The following CCDC33 variants were observed in gnomAD, a reference collection of about 807,000 sequenced individuals.
CCDC33 encodes the protein coiled-coil domain-containing protein 33.
In CCDC33, 94 loss-of-function variants were observed where a neutral mutation model predicts 91.9. The observed-to-expected ratio is 1.02, with a 90% CI of 0.87 to 1.21. The LOEUF (loss-of-function observed/expected upper bound fraction) is 1.21, where lower values mean the gene tolerates loss of function less well. Among genes scored for constraint, CCDC33 ranks in the 50% most tolerant of loss-of-function variants. The pLI is 0.00. For missense variants in CCDC33, 940 were observed against 935.5 expected, an observed-to-expected ratio of 1.00 and a Z score of -0.06; for synonymous variants, 396 against 374.5, an observed-to-expected ratio of 1.06 and a Z score of -0.66.
intron 11 of CCDC33, among the ~76,000 whole-genome samples, chr15:74,313,666 C>T (rs2060036376): frequency 6.6e-6 from 1 of 152,110 alleles, no homozygotes. Flanking sequence ...GTGATTAGCC[C>T]AGCACAGATT....
chr15:74,336,409 G>A (rs201471817), downstream of CCDC33: 5,312 of 1,311,602 alleles, frequency 4.1e-3, 13 homozygotes, highest in Non-Finnish European at 4.9e-3. Flanking sequence ...TGGGAAATAC[G>A]AGGGAGGCTT....
chr15:74,258,713 A>T (rs2075943027), intron 2 of CCDC33, among the ~76,000 whole-genome samples: 1 of 152,072 alleles, frequency 6.6e-6, no homozygotes, highest in African/African-American at 2.4e-5. Context: ...TGAGGGGGAA[A>T]GCGGCTCATG....
chr15:74,255,341 G>A (rs2075829238), intron 2 of CCDC33, among the ~76,000 whole-genome samples: 1 of 152,218 alleles, frequency 6.6e-6, no homozygotes, highest in Non-Finnish European at 1.5e-5. Flanking sequence ...TCAAGCCCAC[G>A]ACTGGTGAGC....
chr15:74,304,008 A>G (rs2059844372), intron 11 of CCDC33: 1 of 152,290 alleles, frequency 6.6e-6, no homozygotes, highest in African/African-American at 2.4e-5. Context: ...GAAAGGAAGA[A>G]ATAAGGATCA....
At chr15:74,210,940 T>C (rs926441965) in intron 2 of CCDC33, among the ~76,000 whole-genome samples, 2 of 152,150 alleles carry the variant, frequency 1.3e-5, no homozygotes, top group African/African-American at 4.8e-5. Context: ...ATAGAAGTCA[T>C]GAGTTAAGTA....
chr15:74,236,110 G>A (rs2075146216), upstream of CCDC33, among the ~76,000 whole-genome samples: 1 of 152,212 alleles, frequency 6.6e-6, no homozygotes, highest in African/African-American at 2.4e-5. Flanking sequence ...GCATGGGGCT[G>A]GCCACACCAC....
intron 16 of CCDC33, 97 bp from the exon 17 acceptor site, chr15:74,333,784 C>A: frequency 2.1e-6 from 2 of 954,896 alleles, no homozygotes; most frequent in Non-Finnish European, 3.2e-6. Flanking sequence ...TGAACTCAGG[C>A]CTGACTGGTT....
chr15:74,209,340 T>A, intron 1 of CCDC33: 1 of 1,525,768 alleles, frequency 6.6e-7, no homozygotes, highest in Non-Finnish European at 8.8e-7. Context: ...TTAGAGAAGC[T>A]GAGGAACCCC....
intron 11 of CCDC33, among the ~76,000 whole-genome samples, chr15:74,328,867 C>T (rs1007865338): frequency 6.6e-6 from 1 of 152,154 alleles, no homozygotes; most frequent in Non-Finnish European, 1.5e-5. Context: ...CGTATGTACA[C>T]AGCCTCCCAC....
At chr15:74,215,635 T>G (rs141405312), upstream of CCDC33, among the ~76,000 whole-genome samples, 1 of 152,054 alleles carries the variant, frequency 6.6e-6, no homozygotes, top group Non-Finnish European at 1.5e-5. Context: ...TAGGAGTGGG[T>G]GTGGACATTA....
At chr15:74,330,524 T>C (rs1596138304) in intron 12 of CCDC33, 139 bp from the exon 13 acceptor site, 1 of 1,069,952 alleles carries the variant, frequency 9.3e-7, no homozygotes, top group East Asian at 2.5e-5. Flanking sequence ...AGCTGGGTCC[T>C]CTCAGGGATG....
At chr15:74,252,853 G>T (rs1258396552) in intron 2 of CCDC33, among the ~76,000 whole-genome samples, 1 of 152,200 alleles carries the variant, frequency 6.6e-6, no homozygotes, top group African/African-American at 2.4e-5. Flanking sequence ...AGTTCCTGGA[G>T]ACTCAGAACC....
upstream of CCDC33, among the ~76,000 whole-genome samples, chr15:74,216,750 A>G (rs2142134099): frequency 6.7e-6 from 1 of 149,914 alleles, no homozygotes; most frequent in Non-Finnish European, 1.5e-5. Flanking sequence ...ACTCTTGAGA[A>G]AGAATAGGCA....
intron 7 of CCDC33, 100 bp from the exon 8 acceptor site, chr15:74,279,863 A>G: frequency 6.7e-7 from 1 of 1,485,274 alleles, no homozygotes; most frequent in African/African-American, 1.4e-5. Flanking sequence ...TGGGAGAAAC[A>G]TTTGTGACAA....
chr15:74,281,712 G>C, intron 9 of CCDC33, 66 bp from the exon 10 acceptor site: 2 of 1,380,004 alleles, frequency 1.4e-6, no homozygotes, highest in Non-Finnish European at 2.1e-6. Context: ...ATCTAGAACA[G>C]TAGGTGGGGC....
intron 1 of CCDC33, among the ~76,000 whole-genome samples, chr15:74,217,828 C>T (rs2074487205): frequency 6.6e-6 from 1 of 152,044 alleles, no homozygotes; most frequent in Non-Finnish European, 1.5e-5. Context: ...AATAGAAGGG[C>T]AGATGAGAGA....
At position 74,333,161 on chromosome 15, in the gene CCDC33, C is replaced by T. The variant is rs577491422; in HGVS notation, c.1938+316C>T. 1.3e-4 allele frequency: 188 copies of T among 1,395,360 alleles called. 2 individuals carry two copies. In the South Asian group the frequency reaches 2.1e-3, roughly 16 times the overall value. The allele number at this position is 1,395,360 out of a possible 1,614,324, so 86.4% of individuals were successfully genotyped here. On this transcript the variant is annotated intron_variant, in intron 16 of 18. Coordinates refer to ENST00000398814, the MANE Select transcript of CCDC33 (RefSeq NM_025055.5). ...TGGACCCTACACAGGCCTCTCAAAACTCCCTTCTGGAGCATTCCCTGGTCT... is the reference window on the plus strand; with the variant it reads ...TGGACCCTACACAGGCCTCTCAAAATTCCCTTCTGGAGCATTCCCTGGTCT...
Position 74,268,489 on chromosome 15 carries a change from G to GA in CCDC33, c.546+31_546+32insA, listed in dbSNP as rs747811656. The GA allele has an allele frequency of 1.5e-5, 22 of 1,456,618 alleles. 1 individual carries two copies. The highest frequency in any genetic ancestry group is 5.9e-5 in the South Asian group (5 of 84,880). 90.2% of individuals were successfully genotyped at this position (1,456,618 alleles called of 1,614,324 possible). On this transcript the variant is annotated intron_variant, in intron 5 of 18. Coordinates refer to ENST00000398814, the MANE Select transcript of CCDC33 (RefSeq NM_025055.5). The stretch of plus-strand genomic sequence containing the variant: ...AGGGCTGGGGCCCTCTGGGGTGGTG[G>GA]TGGGGGTGGGAAAGGGCCAAGCTTT...
Position 74,335,022 on chromosome 15 carries a change from C to T in CCDC33, c.2073C>T (p.Ala691=), listed in dbSNP as rs771391497. 7 of 1,614,104 alleles carry T rather than the reference C, an allele frequency of 4.3e-6. No individual in the cohort carries two copies. In the South Asian group the frequency reaches 7.7e-5, roughly 18 times the overall value. ...GGGGACGAGAGAAGCAGGATCTGGC[C>T]ACACGGCTGCAGGAGCAAGAAAAAG... is the stretch of plus-strand genomic sequence containing the variant. ...RRWGREKQDL[A]TRLQEQEKGF... The change falls in exon 18 of 19, where the codon GCC becomes GCT. Residue 691 remains alanine (A), a synonymous_variant. Transcript: ENST00000398814.
Sources: allele counts gnomAD v4.1 joint callset (sites outside exome capture counted in the v4.1 genomes callset), GRCh38; gene constraint gnomAD v4.1.1; transcripts MANE v1.5; gene names NCBI Gene and HGNC (gene_info 2026-07-23, HGNC 2026-07-21).